Variants in ATP2B2 observed in about 807,000 individuals in gnomAD.
The protein encoded by ATP2B2 is plasma membrane calcium-transporting ATPase 2.
A neutral mutation model predicts 120.0 loss-of-function variants in ATP2B2; 15 were observed. The observed-to-expected ratio is 0.12, with a 90% confidence interval of 0.08 to 0.19. ATP2B2 has a LOEUF of 0.19. Ranked by LOEUF, ATP2B2 falls within the 10% of genes least tolerant of loss-of-function variation. The pLI is 1.00. For synonymous variants in ATP2B2, 694 were observed against 700.3 expected, an observed-to-expected ratio of 0.99 and a Z score of 0.14; for missense variants, 1,045 against 1,719.8, an observed-to-expected ratio of 0.61 and a Z score of 6.94.
rs2067182473 is a variant in ATP2B2 at position 10,530,210 on chromosome 3, C to T, written c.-320+3829G>A. Among the ~76,000 whole-genome samples, 2 of 152,212 alleles carry T rather than the reference C, an allele frequency of 1.3e-5. 1 individual carries two copies. The highest frequency in any genetic ancestry group is 1.3e-4 in the Admixed American group (2 of 15,280). On this transcript the variant is annotated intron_variant, in intron 3 of 21. Transcript: ENST00000646379. ...TGAGGCGATTGTTCCCACCGGGGAC[C>T]ACCAAAAGAACAAAACTCACTGAGC...
chr3:10,449,396 A>G lies in ATP2B2; in HGVS notation c.148T>C (p.Tyr50His), dbSNP rs939364959. 2 of 1,614,198 alleles carry G rather than the reference A, an allele frequency of 1.2e-6. No individual in the cohort carries two copies. Among genetic ancestry groups the G allele is most frequent in the Non-Finnish European group, 1.7e-6 (2 of 1,180,030 alleles). Residue 50 changes from tyrosine (Y) to histidine (H), a missense_variant, in exon 2 of 23, where the codon TAT (tyrosine) becomes CAT (histidine). Tyr to His is a moderately conservative substitution (Grantham distance 83). Around this residue, in one of 11 missense-constraint regions of ATP2B2, gnomAD observed 139 missense variants for 134.2 expected, o/e 1.04. Coordinates refer to ENST00000360273, the MANE Select transcript of ATP2B2 (RefSeq NM_001001331.4). ...TEAVVKIKET[Y>H]GDTEAICRRL... ...CGGCAGATGGCTTCGGTGTCCCCAT[A>G]AGTCTCCTTGATCTTGACCACAGCC...
At chr3:10,479,588 T>C (rs549873228) in intron 1 of ATP2B2, among the ~76,000 whole-genome samples, 1 of 152,214 alleles carries the variant, frequency 6.6e-6, no homozygotes, top group Admixed American at 6.5e-5. Context: ...AGGCCCAGAC[T>C]CTGCAATAAT....
At chr3:10,519,928 C>G (rs546424969) in intron 3 of ATP2B2, among the ~76,000 whole-genome samples, 2 of 152,308 alleles carry the variant, frequency 1.3e-5, no homozygotes, top group East Asian at 3.9e-4. Flanking sequence ...AGGGGTTTTT[C>G]TCACATCATA....
At chr3:10,540,017 T>C (rs1013110685) in intron 2 of ATP2B2, among the ~76,000 whole-genome samples, 1 of 152,108 alleles carries the variant, frequency 6.6e-6, no homozygotes, top group Admixed American at 6.5e-5. Flanking sequence ...TAAACAAATT[T>C]ACAAGAAAAT....
At chr3:10,678,111 G>T (rs530452393) in intron 1 of ATP2B2, among the ~76,000 whole-genome samples, 2 of 152,344 alleles carry the variant, frequency 1.3e-5, no homozygotes, top group East Asian at 3.9e-4. Context: ...CCTGCAGGTA[G>T]ACACCAATGT....
At chr3:10,701,686 G>A (rs543860215) in intron 1 of ATP2B2, among the ~76,000 whole-genome samples, 34 of 150,974 alleles carry the variant, frequency 2.3e-4, no homozygotes, top group Middle Eastern at 3.4e-3. Flanking sequence ...CCTATTTCTC[G>A]GGTTGCAGAG....
At chr3:10,490,461 T>C (rs2065893874) in intron 1 of ATP2B2, among the ~76,000 whole-genome samples, 2 of 146,424 alleles carry the variant, frequency 1.4e-5, no homozygotes, top group South Asian at 4.3e-4. Flanking sequence ...TGGAGAGCAG[T>C]GATGAAATCT....
At chr3:10,614,303 T>G (rs1215470821) in intron 2 of ATP2B2, among the ~76,000 whole-genome samples, 1 of 152,034 alleles carries the variant, frequency 6.6e-6, no homozygotes, top group Non-Finnish European at 1.5e-5. Context: ...ACTGGCCAGC[T>G]GGAAGAGGTA....
Position 10,373,619 on chromosome 3 carries a change from G to A in ATP2B2, c.1417-1568C>T, listed in dbSNP as rs138823332. Among the ~76,000 whole-genome samples the A allele has an allele frequency of 3.1e-3, 469 of 152,280 alleles. 3 individuals are homozygous for A. Among genetic ancestry groups the A allele is most frequent in the African/African-American group, 0.011 (445 of 41,532 alleles). ...TGATCACACATTGGATTGATAATAA[G>A]TTGGATAATAGTGTTGGATTTGACA... On this transcript the variant is annotated intron_variant, in intron 11 of 22. Coordinates refer to ENST00000360273, the MANE Select transcript of ATP2B2 (RefSeq NM_001001331.4).
At chr3:10,534,702 C>T (rs570682214) in intron 2 of ATP2B2, among the ~76,000 whole-genome samples, 2 of 152,160 alleles carry the variant, frequency 1.3e-5, no homozygotes, top group South Asian at 4.1e-4. Flanking sequence ...GCCTCCTTTT[C>T]CTCATCTGGA....
intron 1 of ATP2B2, among the ~76,000 whole-genome samples, chr3:10,620,196 G>C (rs377681726): frequency 6.6e-6 from 1 of 152,192 alleles, no homozygotes; most frequent in African/African-American, 2.4e-5. Flanking sequence ...TCTGGTGTCT[G>C]ATGCTGTGAC....
At chr3:10,463,152 A>G (rs1559368353) in intron 1 of ATP2B2, among the ~76,000 whole-genome samples, 1 of 152,106 alleles carries the variant, frequency 6.6e-6, no homozygotes, top group Non-Finnish European at 1.5e-5. Flanking sequence ...TCCCTCTGCC[A>G]GCCCGTCGCG....
intron 1 of ATP2B2, among the ~76,000 whole-genome samples, chr3:10,631,526 C>A (rs938109721): frequency 1.3e-5 from 2 of 152,218 alleles, no homozygotes; most frequent in Non-Finnish European, 2.9e-5. Flanking sequence ...CAAGCTGCCA[C>A]CCCTCTAATC....
chr3:10,481,532 C>T (rs1195962353), intron 1 of ATP2B2, among the ~76,000 whole-genome samples: 1 of 152,172 alleles, frequency 6.6e-6, no homozygotes, highest in Non-Finnish European at 1.5e-5. Context: ...GCTGACTCTG[C>T]TATATTCTAT....
chr3:10,632,171 G>A (rs2069883203), intron 1 of ATP2B2, among the ~76,000 whole-genome samples: 1 of 152,176 alleles, frequency 6.6e-6, no homozygotes, highest in Non-Finnish European at 1.5e-5. Context: ...TTAAATGCTA[G>A]GAAAATGACA....
At position 10,455,467 on chromosome 3, in the gene ATP2B2, A is replaced by G. The variant is rs995009494; in HGVS notation, c.-319-5605T>C. Reference sequence around the variant, plus strand: ...TAACTTTGCTGGGCTTCCTCTGTAAAGTGGGGATGACCCTGTTTGTCTTAC... The same window carrying G: ...TAACTTTGCTGGGCTTCCTCTGTAAGGTGGGGATGACCCTGTTTGTCTTAC... On this transcript the variant is annotated intron_variant, in intron 1 of 22. Transcript: ENST00000360273. 5.3e-5 allele frequency among the ~76,000 whole-genome samples: 8 copies of G among 152,348 alleles called. No homozygotes were observed. The East Asian group carries it at 1.2e-3, about 22-fold the overall frequency.
intron 1 of ATP2B2, among the ~76,000 whole-genome samples, chr3:10,485,720 G>A (rs945596981): frequency 6.6e-6 from 1 of 152,178 alleles, no homozygotes; most frequent in African/African-American, 2.4e-5. Context: ...CCTGGGGTCT[G>A]AGGTCTGGAT....
chr3:10,705,414 G>A (rs888087210), intron 1 of ATP2B2, among the ~76,000 whole-genome samples: 42 of 152,198 alleles, frequency 2.8e-4, no homozygotes, highest in African/African-American at 9.4e-4. Flanking sequence ...GTCTGTCAAA[G>A]TCATAACTCA....
Position 10,584,779 on chromosome 3 carries a change from T to C in ATP2B2, c.-415+35138A>G, listed in dbSNP as rs111458190. 3.9e-3 allele frequency among the ~76,000 whole-genome samples: 588 copies of C among 152,314 alleles called. 5 individuals are homozygous for C. The highest frequency in any genetic ancestry group is 0.013 in the African/African-American group (559 of 41,568). ...CTGATTCCACACACAAATACCCACC[T>C]GCTTACTCGTGTCACTGTGGGATAT... On this transcript the variant is annotated intron_variant, in intron 2 of 21. Coordinates refer to the ATP2B2 transcript ENST00000646379.
Sources: allele counts gnomAD v4.1 joint callset (sites outside exome capture counted in the v4.1 genomes callset), GRCh38; gene constraint gnomAD v4.1.1; regional missense constraint gnomAD v4.1.1; transcripts MANE v1.5; gene names NCBI Gene and HGNC (gene_info 2026-07-23, HGNC 2026-07-21).